Variants in SPATA6 observed in about 807,000 individuals in gnomAD.
SPATA6 encodes the protein spermatogenesis-associated protein 6.
In SPATA6, 56 loss-of-function variants were observed where a neutral mutation model predicts 65.3. The observed-to-expected ratio is 0.86, with a 90% CI of 0.69 to 1.07. The LOEUF is 1.07. Ranked by LOEUF, SPATA6 falls within the 50% of genes least tolerant of loss-of-function variation. The pLI, the probability that SPATA6 is intolerant of heterozygous loss-of-function variation, is 0.00. For missense variants in SPATA6, 590 were observed against 594.8 expected, an observed-to-expected ratio of 0.99 and a Z score of 0.08; for synonymous variants, 199 against 213.2, an observed-to-expected ratio of 0.93 and a Z score of 0.58.
At chr1:48,314,822 A>G (rs1417490367) in intron 11 of SPATA6, among the ~76,000 whole-genome samples, 5 of 152,130 alleles carry the variant, frequency 3.3e-5, no homozygotes, top group Admixed American at 3.3e-4. Context: ...AAAAGAGAGA[A>G]GAATCAAATA....
chr1:48,471,719 G>C (rs1035351723), intron 1 of SPATA6, among the ~76,000 whole-genome samples: 6 of 152,308 alleles, frequency 3.9e-5, no homozygotes, highest in African/African-American at 1.2e-4. Context: ...CTGAAAGCGC[G>C]CAAGTTGGAA....
intron 3 of SPATA6, among the ~76,000 whole-genome samples, chr1:48,438,453 A>C (rs1208627631): frequency 1.3e-5 from 2 of 152,190 alleles, no homozygotes; most frequent in Non-Finnish European, 2.9e-5. Context: ...GCTTTCTAAC[A>C]ACCCCCAACT....
intron 11 of SPATA6, among the ~76,000 whole-genome samples, chr1:48,350,437 G>A (rs74687032): frequency 0.025 from 3,728 of 150,314 alleles, 99 homozygotes; most frequent in African/African-American, 0.068. Context: ...CAATTTATCA[G>A]TTTTTTTAAC....
At chr1:48,376,667 C>A (rs528766371) in intron 9 of SPATA6, among the ~76,000 whole-genome samples, 1 of 152,116 alleles carries the variant, frequency 6.6e-6, no homozygotes, top group Non-Finnish European at 1.5e-5. Flanking sequence ...GTTAAGTATG[C>A]ATTGCTTAAC....
At chr1:48,457,454 G>A (rs1220011769) in intron 1 of SPATA6, among the ~76,000 whole-genome samples, 1 of 151,802 alleles carries the variant, frequency 6.6e-6, no homozygotes, top group African/African-American at 2.4e-5. Context: ...AAGAAAAAAA[G>A]AAGATAATCC....
chr1:48,339,949 G>C (rs1646164114), intron 11 of SPATA6, among the ~76,000 whole-genome samples: 1 of 151,948 alleles, frequency 6.6e-6, no homozygotes, highest in Non-Finnish European at 1.5e-5. Context: ...ATTGAGTGAA[G>C]AAAGTCTGAG....
chr1:48,274,002 C>T, the SPATA6 span, among the ~76,000 whole-genome samples: 1 of 152,172 alleles, frequency 6.6e-6, no homozygotes. Context: ...TCTCCAGCAT[C>T]TGTTGTTTCC....
chr1:48,266,376 A>C, the SPATA6 span, among the ~76,000 whole-genome samples: 1 of 151,978 alleles, frequency 6.6e-6, no homozygotes, highest in Admixed American at 6.6e-5. Context: ...AGACACTAAC[A>C]CTCCCACCGT....
At chr1:48,379,703 A>G (rs1471391794) in intron 9 of SPATA6, among the ~76,000 whole-genome samples, 2 of 152,378 alleles carry the variant, frequency 1.3e-5, no homozygotes, top group African/African-American at 4.8e-5. Context: ...GAGCACCCTC[A>G]TAATCTTTGC....
At chr1:48,418,143 T>C (rs1652954896) in intron 3 of SPATA6, among the ~76,000 whole-genome samples, 1 of 152,220 alleles carries the variant, frequency 6.6e-6, no homozygotes, top group South Asian at 2.1e-4. Flanking sequence ...ATCTTAGTTA[T>C]TATCATAGAT....
chr1:48,267,048 G>T, the SPATA6 span, among the ~76,000 whole-genome samples: 1 of 151,892 alleles, frequency 6.6e-6, no homozygotes. Flanking sequence ...TATTTTAGAT[G>T]AGTCAAATAG....
chr1:48,348,197 C>G (rs1646423138), intron 11 of SPATA6, among the ~76,000 whole-genome samples: 1 of 151,952 alleles, frequency 6.6e-6, no homozygotes, highest in Admixed American at 6.6e-5. Context: ...TCATTAGAAG[C>G]AAGTCACTAA....
chr1:48,266,903 T>C, the SPATA6 span, among the ~76,000 whole-genome samples: 2 of 152,282 alleles, frequency 1.3e-5, no homozygotes, highest in East Asian at 1.9e-4. Flanking sequence ...GGATAGCATA[T>C]TTTTTTCTAT....
At chr1:48,268,189 T>C in the SPATA6 span, among the ~76,000 whole-genome samples, 2 of 152,036 alleles carry the variant, frequency 1.3e-5, no homozygotes, top group Non-Finnish European at 1.5e-5. Flanking sequence ...GGTGGAGCCC[T>C]TGCCAGGGAC....
intron 12 of SPATA6, among the ~76,000 whole-genome samples, chr1:48,305,056 A>T (rs1380659130): frequency 1.3e-5 from 2 of 152,190 alleles, no homozygotes; most frequent in East Asian, 3.9e-4. Flanking sequence ...TCACACTCCC[A>T]CTTATAGTCT....
At chr1:48,300,528 T>C (rs1401766310) in intron 12 of SPATA6, among the ~76,000 whole-genome samples, 1 of 152,014 alleles carries the variant, frequency 6.6e-6, no homozygotes, top group African/African-American at 2.4e-5. Context: ...ACTCAAAATA[T>C]TACAAAAAAT....
At chr1:48,435,701 G>A (rs894088813) in intron 3 of SPATA6, among the ~76,000 whole-genome samples, 11 of 152,164 alleles carry the variant, frequency 7.2e-5, no homozygotes, top group African/African-American at 1.2e-4. Context: ...AAAACGCACC[G>A]AGAGTTCCAA....
Position 48,440,630 on chromosome 1 carries a change from T to C in SPATA6, c.238+10922A>G, listed in dbSNP as rs147084177. 1.8e-3 allele frequency among the ~76,000 whole-genome samples: 277 copies of C among 152,280 alleles called. 1 individual carries two copies. The highest frequency in any genetic ancestry group is 6.8e-3 in the Middle Eastern group (2 of 294). On this transcript the variant is annotated intron_variant, in intron 3 of 12. Coordinates refer to ENST00000371847, the MANE Select transcript of SPATA6 (RefSeq NM_019073.4). ...AAATTAGGGAAAAGCCCATGAATTA[T>C]TCAATGATGTCCACCATAACTCAGG...
At chr1:48,375,133 T>C (rs972871232) in intron 9 of SPATA6, among the ~76,000 whole-genome samples, 1 of 152,264 alleles carries the variant, frequency 6.6e-6, no homozygotes, top group South Asian at 2.1e-4. Context: ...TCTTCAGGGA[T>C]CTCTCTGGCT....
Sources: gnomAD v4.1 joint callset for allele counts (sites outside exome capture counted in the v4.1 genomes callset) on GRCh38, gnomAD v4.1.1 for gene constraint, MANE v1.5 for transcripts, NCBI Gene and HGNC (gene_info 2026-07-23, HGNC 2026-07-21) for gene names.